AGMO: variants seen among roughly 807,000 people sequenced by gnomAD.
AGMO encodes alkylglycerol monooxygenase, also known as glyceryl-ether monooxygenase.
AGMO carries 75 observed loss-of-function variants against 60.2 expected under a neutral mutation model. The ratio of observed to expected loss-of-function variants is 1.25; its 90% CI spans 1.03 to 1.51. The LOEUF (loss-of-function observed/expected upper bound fraction) is 1.51, where lower values mean the gene tolerates loss of function less well. Ranked by LOEUF, AGMO falls within the 40% of genes most tolerant of loss-of-function variation. The pLI is 0.00. For synonymous variants in AGMO, 261 were observed against 177.1 expected (o/e 1.47, Z -3.76); for missense variants, 763 against 525.5 (o/e 1.45, Z -4.42).
At chr7:15,170,521 C>T in the AGMO span, among the ~76,000 whole-genome samples, 5 of 152,114 alleles carry the variant, frequency 3.3e-5, no homozygotes, top group Non-Finnish European at 7.4e-5. Flanking sequence ...CATCTATATG[C>T]ACTTTCCACT....
chr7:15,260,705 G>C (rs925862189), intron 12 of AGMO, among the ~76,000 whole-genome samples: 1 of 151,900 alleles, frequency 6.6e-6, no homozygotes, highest in African/African-American at 2.4e-5. Context: ...AACAACTGAA[G>C]AATACACATT....
intron 12 of AGMO, among the ~76,000 whole-genome samples, chr7:15,281,592 T>A (rs1942471789): frequency 1.3e-5 from 2 of 152,008 alleles, no homozygotes; most frequent in African/African-American, 4.8e-5. Flanking sequence ...GCAGGAGAGC[T>A]GAGGTGGCGC....
intron 12 of AGMO, among the ~76,000 whole-genome samples, chr7:15,320,884 G>GT (rs1222970447): frequency 1.3e-5 from 2 of 152,108 alleles, no homozygotes; most frequent in East Asian, 1.9e-4. Context: ...TATAACTTTA[G>GT]TTTTTTAAAA....
chr7:15,511,057 A>G (rs1204546169), intron 3 of AGMO, among the ~76,000 whole-genome samples: 1 of 152,142 alleles, frequency 6.6e-6, no homozygotes, highest in Non-Finnish European at 1.5e-5. Flanking sequence ...TGAACTATAC[A>G]TACATTTAAG....
At chr7:15,548,610 T>C (rs911538176) in intron 2 of AGMO, among the ~76,000 whole-genome samples, 18 of 151,842 alleles carry the variant, frequency 1.2e-4, no homozygotes, top group African/African-American at 4.4e-4. Flanking sequence ...AAGGGAAGTT[T>C]AGAGAAAAAA....
intron 3 of AGMO, among the ~76,000 whole-genome samples, chr7:15,461,069 A>C (rs1227374094): frequency 6.6e-6 from 1 of 152,024 alleles, no homozygotes; most frequent in Admixed American, 6.6e-5. Flanking sequence ...AGGGCCCACT[A>C]TTGTTCAAAA....
intron 12 of AGMO, among the ~76,000 whole-genome samples, chr7:15,312,997 G>A (rs925515537): frequency 1.3e-5 from 2 of 152,034 alleles, no homozygotes; most frequent in African/African-American, 4.8e-5. Context: ...AATTTCATCA[G>A]AAGAAAAGTG....
intron 12 of AGMO, among the ~76,000 whole-genome samples, chr7:15,314,869 A>G (rs74758223): frequency 0.02 from 3,101 of 152,286 alleles, 49 homozygotes; most frequent in Middle Eastern, 0.041. Flanking sequence ...GAGGCAGAAT[A>G]GAAAAAAAAG....
chr7:15,220,463 C>T (rs180855354), intron 12 of AGMO, among the ~76,000 whole-genome samples: 1 of 151,728 alleles, frequency 6.6e-6, no homozygotes, highest in East Asian at 1.9e-4. Context: ...GGCAATCCGC[C>T]CACCTCGGCC....
intron 6 of AGMO, among the ~76,000 whole-genome samples, chr7:15,393,621 G>A (rs1299582708): frequency 6.6e-6 from 1 of 152,112 alleles, no homozygotes; most frequent in Non-Finnish European, 1.5e-5. Flanking sequence ...TTGTCACTTG[G>A]GATTTTCTCG....
intron 3 of AGMO, among the ~76,000 whole-genome samples, chr7:15,443,797 AT>A (rs1474989541): frequency 6.6e-6 from 1 of 152,220 alleles, no homozygotes; most frequent in Non-Finnish European, 1.5e-5. Flanking sequence ...CATAAACATT[AT>A]ATTGAAAAAA....
At chr7:15,364,814 A>C (rs1782908682) in intron 12 of AGMO, among the ~76,000 whole-genome samples, 1 of 152,068 alleles carries the variant, frequency 6.6e-6, no homozygotes, top group South Asian at 2.1e-4. Context: ...TTAATGCTTA[A>C]ATAAAGTTAT....
chr7:15,455,543 T>C (rs1781979159), intron 3 of AGMO, among the ~76,000 whole-genome samples: 1 of 152,174 alleles, frequency 6.6e-6, no homozygotes, highest in Non-Finnish European at 1.5e-5. Context: ...GATGCCGCTT[T>C]ATTCTCCTCT....
At chr7:15,550,373 C>T (rs1013112812) in intron 2 of AGMO, among the ~76,000 whole-genome samples, 4 of 151,986 alleles carry the variant, frequency 2.6e-5, no homozygotes, top group Non-Finnish European at 5.9e-5. Flanking sequence ...TTAATGAATC[C>T]AGGAGCTGGT....
chr7:15,383,875 T>A (rs1783799353), intron 10 of AGMO, among the ~76,000 whole-genome samples: 1 of 152,182 alleles, frequency 6.6e-6, no homozygotes, highest in African/African-American at 2.4e-5. Context: ...TTCCATGTTT[T>A]TAATCTGTTT....
chr7:15,458,988 G>A (rs970271656), intron 3 of AGMO, among the ~76,000 whole-genome samples: 3 of 152,098 alleles, frequency 2.0e-5, no homozygotes, highest in Non-Finnish European at 4.4e-5. Flanking sequence ...AGAGGAATAT[G>A]AGCAATTTCA....
intron 5 of AGMO, among the ~76,000 whole-genome samples, chr7:15,400,608 G>GC (rs1784526667): frequency 6.6e-6 from 1 of 152,252 alleles, no homozygotes; most frequent in Middle Eastern, 3.4e-3. Context: ...CAAAGGCAAA[G>GC]CATGAGTCTG....
In AGMO at chr7:15,471,459, C is replaced by A. The variant is rs193205029; in HGVS notation, c.410-40351G>T. ...AGATCATTACCCAGGATCTTTCTTT[C>A]TACTTTAATTATCAATAAATAATGT... is the stretch of plus-strand genomic sequence containing the variant. On this transcript the variant is annotated intron_variant, in intron 3 of 12. Coordinates refer to ENST00000342526, the MANE Select transcript of AGMO (RefSeq NM_001004320.2). Among the ~76,000 whole-genome samples, 4 of 152,018 alleles carry A rather than the reference C, an allele frequency of 2.6e-5. No individual in the cohort carries two copies. The East Asian group carries it at 7.7e-4, about 29-fold the overall frequency.
At chr7:15,286,048 ATC>A (rs1193128246) in intron 12 of AGMO, among the ~76,000 whole-genome samples, 3 of 152,058 alleles carry the variant, frequency 2.0e-5, no homozygotes, top group African/African-American at 7.2e-5. Context: ...CTGGATCCCT[ATC>A]TCTCACCTTA....
Sources: allele counts gnomAD v4.1 joint callset (sites outside exome capture counted in the v4.1 genomes callset), GRCh38; gene constraint gnomAD v4.1.1; transcripts MANE v1.5; gene names NCBI Gene and HGNC (gene_info 2026-07-23, HGNC 2026-07-21).